Variants in SMPDL3B observed in about 807,000 individuals in gnomAD.
The protein encoded by SMPDL3B is acid sphingomyelinase-like phosphodiesterase 3b.
SMPDL3B carries 31 observed loss-of-function variants against 37.9 expected under a neutral mutation model. The observed-to-expected ratio is 0.82, with a 90% confidence interval of 0.61 to 1.10. SMPDL3B has a LOEUF of 1.10. Ranked by LOEUF, SMPDL3B falls within the 50% of genes least tolerant of loss-of-function variation. The pLI, the probability that SMPDL3B is intolerant of heterozygous loss-of-function variation, is 0.00. For synonymous variants in SMPDL3B, 235 were observed against 242.6 expected (o/e 0.97, Z 0.29); for missense variants, 525 against 597.8 (o/e 0.88, Z 1.27).
chr1:27,937,775 C>G (rs943160412), intron 1 of SMPDL3B, among the ~76,000 whole-genome samples: 3 of 152,186 alleles, frequency 2.0e-5, no homozygotes, highest in Non-Finnish European at 4.4e-5. Flanking sequence ...TAAGAGAACT[C>G]TTTTACCTGC....
chr1:27,949,201 A>G, intron 3 of SMPDL3B, 39 bp downstream of exon 3: 2 of 1,604,964 alleles, frequency 1.2e-6, no homozygotes, highest in Middle Eastern at 1.7e-4. Flanking sequence ...GTGTTCTCGG[A>G]ACTCTAGGCA....
intron 1 of SMPDL3B, chr1:27,939,206 C>T (rs901189052): frequency 1.3e-5 from 2 of 152,208 alleles, no homozygotes; most frequent in South Asian, 4.1e-4. Context: ...TCCTGCCCCC[C>T]TGTCTCCAAC....
chr1:27,953,440 T>C, intron 4 of SMPDL3B, 82 bp downstream of exon 4: 3 of 1,241,322 alleles, frequency 2.4e-6, no homozygotes, highest in Non-Finnish European at 3.4e-6. Flanking sequence ...CCTCTTAGAA[T>C]AAGTACTGAT....
intron 1 of SMPDL3B, chr1:27,941,431 C>T (rs2148673851): frequency 6.6e-6 from 1 of 152,378 alleles, no homozygotes; most frequent in South Asian, 2.1e-4. Context: ...CAGCCTTGTT[C>T]ATTCATCGAA....
In SMPDL3B at chr1:27,958,389, A is replaced by C; in HGVS notation, c.1006-87A>C. ...ACTAGTGGTCATGGTCACTGCTCTA[A>C]AGAACTTGGGGGCAAATGCAAGGTG... On this transcript the variant is annotated intron_variant, in intron 7 of 7. Coordinates refer to ENST00000373894, the MANE Select transcript of SMPDL3B (RefSeq NM_014474.4). This position sits in a 1 kb window ranked among gnomAD's most constrained non-coding sequence, Gnocchi z 5.6. The C allele has an allele frequency of 6.6e-7, 1 of 1,512,080 alleles. No homozygotes were observed. The highest frequency in any genetic ancestry group is 8.9e-7 in the Non-Finnish European group (1 of 1,127,332). The allele number at this position is 1,512,080 out of a possible 1,614,324, so 93.7% of individuals were successfully genotyped here.
At chr1:27,942,566 C>T (rs1345906069) in intron 1 of SMPDL3B, among the ~76,000 whole-genome samples, 1 of 152,238 alleles carries the variant, frequency 6.6e-6, no homozygotes, top group Non-Finnish European at 1.5e-5. Context: ...GCAACCTCCG[C>T]CTCCTGGGTT....
intron 1 of SMPDL3B, among the ~76,000 whole-genome samples, chr1:27,937,317 T>C (rs1336657735): frequency 6.6e-6 from 1 of 152,168 alleles, no homozygotes; most frequent in Non-Finnish European, 1.5e-5. Context: ...CCCCTGTGGG[T>C]TAGCTTGGTA....
intron 2 of SMPDL3B, among the ~76,000 whole-genome samples, chr1:27,947,108 C>T (rs1278558350): frequency 1.3e-5 from 2 of 150,340 alleles, no homozygotes; most frequent in Non-Finnish European, 2.9e-5. Flanking sequence ...GTGATCTTGG[C>T]TCACCACAAT....
intron 2 of SMPDL3B, among the ~76,000 whole-genome samples, chr1:27,947,396 A>C (rs907151257): frequency 1.3e-5 from 2 of 151,950 alleles, no homozygotes; most frequent in Non-Finnish European, 2.9e-5. Context: ...ACAGCATCAG[A>C]TGAGAAGATC....
intron 7 of SMPDL3B, among the ~76,000 whole-genome samples, chr1:27,957,759 G>A (rs905021260): frequency 6.6e-6 from 1 of 152,178 alleles, no homozygotes; most frequent in Non-Finnish European, 1.5e-5. Flanking sequence ...TCCTCAGGGA[G>A]GGAGTCAGCC....
At position 27,945,537 on chromosome 1, in the gene SMPDL3B, A is replaced by T; in HGVS notation, c.275+92A>T. On this transcript the variant is annotated intron_variant, in intron 2 of 7. Transcript: ENST00000373894. This position sits in a 1 kb window ranked among gnomAD's most constrained non-coding sequence, Gnocchi z 4.0. Reference sequence around the variant, plus strand: ...CCCTTTGCCCACATTATCTCCCTTAATCCTCACATCAGTCTCACGTGAGGC... The same window carrying T: ...CCCTTTGCCCACATTATCTCCCTTATTCCTCACATCAGTCTCACGTGAGGC... 9.9e-7 allele frequency: 1 copy of T among 1,006,906 alleles called. No homozygotes were observed. The highest frequency in any genetic ancestry group is 1.5e-6 in the Non-Finnish European group (1 of 650,140). 62.4% of individuals were successfully genotyped at this position (1,006,906 alleles called of 1,614,324 possible).
Position 27,955,683 on chromosome 1 carries a change from G to A in SMPDL3B, c.691-1G>A, listed in dbSNP as rs201032697. 4.3e-6 allele frequency: 7 copies of A among 1,612,406 alleles called. No homozygotes were observed. The East Asian group carries it at 1.6e-4, about 36-fold the overall frequency. On this transcript the variant is annotated splice_acceptor_variant, in intron 5 of 7. Transcript: ENST00000373894. LOFTEE classifies it high-confidence loss of function. ...CTCTTCTGGGAACCCCTCCCTTGTA[G>A]GTGTACATTGTCGGCCACGTGCCCC...
In SMPDL3B at chr1:27,945,047, C is replaced by T. The variant is rs2090394442; in HGVS notation, c.62-185C>T. On this transcript the variant is annotated intron_variant, in intron 1 of 7. Transcript: ENST00000373894. This position sits in a 1 kb window ranked among gnomAD's most constrained non-coding sequence, Gnocchi z 4.0. Reference sequence around the variant, plus strand: ...GGGATGGAGCTGAGCCTGTTCTGTGCTCTGCTCAATGTGTCCCTGGGCAGA... The same window carrying T: ...GGGATGGAGCTGAGCCTGTTCTGTGTTCTGCTCAATGTGTCCCTGGGCAGA... Among the ~76,000 whole-genome samples the T allele has an allele frequency of 6.6e-6, 1 of 152,194 alleles. No homozygotes were observed. The highest frequency in any genetic ancestry group is 2.4e-5 in the African/African-American group (1 of 41,432).
At position 27,935,229 on chromosome 1, in the gene SMPDL3B, G is replaced by C. The variant is rs1023012688; in HGVS notation, c.46G>C (p.Ala16Pro). The C allele has an allele frequency of 6.2e-7, 1 of 1,613,418 alleles. No individual in the cohort carries two copies. Among genetic ancestry groups the C allele is most frequent in the African/African-American group, 1.3e-5 (1 of 74,910 alleles). Residue 16 changes from alanine to proline, a missense_variant, in exon 1 of 8, where the codon GCC becomes CCC. Ala to Pro is a conservative substitution (Grantham distance 27, BLOSUM62 -1). Coordinates refer to ENST00000373894, the MANE Select transcript of SMPDL3B (RefSeq NM_014474.4). ...WLIFLANWGG[A>P]RAEPGKFWHI... is the part of the protein sequence containing the mutation. Reference sequence around the variant, plus strand: ...GATTTTCCTGGCTAACTGGGGAGGTGCCAGGGCTGAACCAGGTACAGCACT... The same window carrying C: ...GATTTTCCTGGCTAACTGGGGAGGTCCCAGGGCTGAACCAGGTACAGCACT...
Position 27,958,968 on chromosome 1 carries a change from C to A in SMPDL3B, c.*130C>A. On this transcript the variant is annotated 3_prime_UTR_variant, in exon 8 of 8. Transcript: ENST00000373894. This position sits in a 1 kb window ranked among gnomAD's most constrained non-coding sequence, Gnocchi z 5.6. ...GAAATAGGACAACCGAATCAGGAAG[C>A]GAAGCCCCAGGAGCTGCAGCCATCC... The A allele has an allele frequency of 1.7e-6, 2 of 1,173,674 alleles. No individual in the cohort carries two copies. The highest frequency in any genetic ancestry group is 2.3e-6 in the Non-Finnish European group (2 of 861,684). 72.7% of individuals were successfully genotyped at this position (1,173,674 alleles called of 1,614,324 possible).
rs540404123 is a variant in SMPDL3B at position 27,949,353 on chromosome 1, G to A, written c.373+191G>A. On this transcript the variant is annotated intron_variant, in intron 3 of 7. Transcript: ENST00000373894. ...CCCGAAGGCAACATGCAAGCCCATGGGCCGGTGGATACACACAGAATCCTA... is the reference window on the plus strand; with the variant it reads ...CCCGAAGGCAACATGCAAGCCCATGAGCCGGTGGATACACACAGAATCCTA... 2.0e-5 allele frequency among the ~76,000 whole-genome samples: 3 copies of A among 152,170 alleles called. No individual in the cohort carries two copies. The South Asian group carries it at 6.2e-4, about 32-fold the overall frequency.
At chr1:27,940,862 C>A (rs1313096857) in intron 1 of SMPDL3B, among the ~76,000 whole-genome samples, 1 of 152,164 alleles carries the variant, frequency 6.6e-6, no homozygotes, top group Non-Finnish European at 1.5e-5. Context: ...GGCGCCCACA[C>A]CTCCCCAGTC....
intron 3 of SMPDL3B, 78 bp downstream of exon 3, chr1:27,949,240 A>G (rs1012996926): frequency 6.9e-7 from 1 of 1,446,576 alleles, no homozygotes; most frequent in African/African-American, 1.4e-5. Context: ...CAACAGCAGC[A>G]GCGAGTGTCC....
chr1:27,938,112 G>A (rs2090324948), intron 1 of SMPDL3B, among the ~76,000 whole-genome samples: 1 of 152,188 alleles, frequency 6.6e-6, no homozygotes. Context: ...GCCCTGCTCT[G>A]CAGGAGCAGT....
Sources: allele counts gnomAD v4.1 joint callset (sites outside exome capture counted in the v4.1 genomes callset), GRCh38; gene constraint gnomAD v4.1.1; non-coding constraint Gnocchi (gnomAD v3.1); transcripts MANE v1.5; gene names NCBI Gene and HGNC (gene_info 2026-07-23, HGNC 2026-07-21).